MIS18A: variants seen among roughly 807,000 people sequenced by gnomAD.
The protein encoded by MIS18A is MIS18 kinetochore protein A, also known as protein Mis18-alpha.
A neutral mutation model predicts 25.0 loss-of-function variants in MIS18A; 14 were observed. The observed-to-expected ratio is 0.56, with a 90% CI of 0.37 to 0.88. MIS18A has a LOEUF of 0.88. Among genes scored for constraint, MIS18A ranks in the 40% least tolerant of loss-of-function variants. The pLI is 0.00. For synonymous variants in MIS18A, 134 were observed against 118.6 expected, an observed-to-expected ratio of 1.13 and a Z score of -0.84; for missense variants, 292 against 290.8, an observed-to-expected ratio of 1.00 and a Z score of -0.03.
chr21:32,270,650 TCATA>T (rs1460755624), intron 2 of MIS18A, 121 bp from the exon 3 acceptor site: 18 of 1,052,260 alleles, frequency 1.7e-5, no homozygotes, highest in Non-Finnish European at 2.3e-5. Context: ...CCACACTAGG[TCATA>T]CATAAAGGAT....
the MIS18A span, among the ~76,000 whole-genome samples, chr21:32,216,191 C>G: frequency 5.3e-5 from 8 of 152,146 alleles, no homozygotes; most frequent in Non-Finnish European, 8.8e-5. Context: ...AAATAGAAAG[C>G]TTTGTGGTAT....
At chr21:32,262,164 C>T in the MIS18A span, among the ~76,000 whole-genome samples, 5 of 152,292 alleles carry the variant, frequency 3.3e-5, no homozygotes, top group African/African-American at 4.8e-5. Context: ...ATGCTTCCTA[C>T]GGAAGAGGGT....
chr21:32,278,735 C>A lies in MIS18A; in HGVS notation c.280G>T (p.Asp94Tyr). ...TGGCTGGCCACCCAGCTCAGCGAGTCGCCCAGCGGCCGCCGGCAGCCGGAG... is the reference window on the plus strand; with the variant it reads ...TGGCTGGCCACCCAGCTCAGCGAGTAGCCCAGCGGCCGCCGGCAGCCGGAG... Reference protein sequence around the residue: ...LCSGCRRPLGDSLSWVASQED... With the variant: ...LCSGCRRPLGYSLSWVASQED... The change falls in exon 1 of 5, where the codon GAC becomes TAC. Residue 94 changes from aspartate (D) to tyrosine (Y), a missense_variant. Coordinates refer to ENST00000290130, the MANE Select transcript of MIS18A (RefSeq NM_018944.3). 6.3e-7 allele frequency: 1 copy of A among 1,580,440 alleles called. No individual in the cohort carries two copies. The highest frequency in any genetic ancestry group is 8.5e-7 in the Non-Finnish European group (1 of 1,169,762).
chr21:32,209,089 T>C, the MIS18A span, among the ~76,000 whole-genome samples: 1 of 152,212 alleles, frequency 6.6e-6, no homozygotes, highest in Non-Finnish European at 1.5e-5. Context: ...AGAAAATTCA[T>C]TTGTTATGGT....
At chr21:32,238,657 C>T in the MIS18A span, among the ~76,000 whole-genome samples, 3 of 152,312 alleles carry the variant, frequency 2.0e-5, 1 homozygote, top group African/African-American at 7.2e-5. Context: ...AATACCATCA[C>T]CTCTATGCCC....
chr21:32,195,750 T>C, the MIS18A span, among the ~76,000 whole-genome samples: 1 of 152,168 alleles, frequency 6.6e-6, no homozygotes, highest in Admixed American at 6.5e-5. Context: ...CAAGGCACAG[T>C]GGCTCACACC....
the MIS18A span, among the ~76,000 whole-genome samples, chr21:32,163,752 G>A: frequency 6.6e-6 from 1 of 152,156 alleles, no homozygotes; most frequent in Non-Finnish European, 1.5e-5. Flanking sequence ...TTGAGTGGCA[G>A]GACATTTCCA....
At chr21:32,183,190 A>G in the MIS18A span, among the ~76,000 whole-genome samples, 2 of 152,170 alleles carry the variant, frequency 1.3e-5, no homozygotes, top group Non-Finnish European at 2.9e-5. Context: ...AACCAATGTC[A>G]TATTTCAATA....
the MIS18A span, among the ~76,000 whole-genome samples, chr21:32,248,484 A>T: frequency 2.0e-5 from 3 of 152,328 alleles, no homozygotes; most frequent in East Asian, 5.8e-4. Context: ...AAGCTTGTTA[A>T]ATGGAATAGA....
At chr21:32,273,354 T>C (rs55768714) in intron 2 of MIS18A, among the ~76,000 whole-genome samples, 4,704 of 151,826 alleles carry the variant, frequency 0.031, 245 homozygotes, top group African/African-American at 0.11. Flanking sequence ...GGAGAAGAGG[T>C]TGGGGTAGGG....
At chr21:32,155,070 T>G in the MIS18A span, among the ~76,000 whole-genome samples, 2 of 152,150 alleles carry the variant, frequency 1.3e-5, no homozygotes, top group Non-Finnish European at 2.9e-5. Flanking sequence ...GGTTTATTTT[T>G]ACCACTTATC....
the MIS18A span, among the ~76,000 whole-genome samples, chr21:32,157,116 C>T: frequency 7.0e-6 from 1 of 142,902 alleles, no homozygotes; most frequent in South Asian, 2.2e-4. Flanking sequence ...AGTGCAGTGG[C>T]GTGATCTTGG....
chr21:32,271,373 C>T (rs1342387094), intron 2 of MIS18A, among the ~76,000 whole-genome samples: 2 of 152,224 alleles, frequency 1.3e-5, no homozygotes, highest in African/African-American at 4.8e-5. Context: ...CACTTGTAAT[C>T]ACTAAATATC....
chr21:32,211,122 C>T, the MIS18A span, among the ~76,000 whole-genome samples: 1 of 152,192 alleles, frequency 6.6e-6, no homozygotes, highest in Non-Finnish European at 1.5e-5. Context: ...CTCATTGCAA[C>T]ATTTGCCTCC....
the MIS18A span, among the ~76,000 whole-genome samples, chr21:32,251,577 C>A: frequency 6.6e-6 from 1 of 152,150 alleles, no homozygotes; most frequent in African/African-American, 2.4e-5. Context: ...ACCCTGTCAG[C>A]CCCCAAAGAG....
chr21:32,160,744 G>C, the MIS18A span, among the ~76,000 whole-genome samples: 6 of 151,950 alleles, frequency 3.9e-5, no homozygotes, highest in African/African-American at 1.4e-4. Flanking sequence ...AGATTCTCTT[G>C]CCTCAGCCTC....
At chr21:32,235,941 A>C in the MIS18A span, among the ~76,000 whole-genome samples, 1 of 152,192 alleles carries the variant, frequency 6.6e-6, no homozygotes, top group Non-Finnish European at 1.5e-5. Flanking sequence ...CCTGGAGAAG[A>C]AGCAGGCTCA....
chr21:32,272,044 T>C (rs1424921763), intron 2 of MIS18A, among the ~76,000 whole-genome samples: 2 of 152,150 alleles, frequency 1.3e-5, no homozygotes, highest in Non-Finnish European at 2.9e-5. Flanking sequence ...CATTCACACT[T>C]CTAGAATCAT....
At chr21:32,184,153 C>A in the MIS18A span, among the ~76,000 whole-genome samples, 5 of 152,190 alleles carry the variant, frequency 3.3e-5, no homozygotes, top group Non-Finnish European at 7.3e-5. Flanking sequence ...GCCACCTGGG[C>A]ATGACTGGGA....
Sources: allele counts gnomAD v4.1 joint callset (sites outside exome capture counted in the v4.1 genomes callset), GRCh38; gene constraint gnomAD v4.1.1; transcripts MANE v1.5; gene names NCBI Gene and HGNC (gene_info 2026-07-23, HGNC 2026-07-21).